FOXP1: variants seen among roughly 807,000 people sequenced by gnomAD.
The protein encoded by FOXP1 is forkhead box protein P1.
Under a neutral mutation model 98.2 loss-of-function variants are expected in FOXP1, and 15 were observed. That is an observed-to-expected ratio of 0.15 (90% confidence interval 0.10 to 0.24). FOXP1 has a LOEUF of 0.24. FOXP1 is among the 10% of genes least tolerant of loss of function. The pLI is 1.00. For missense variants in FOXP1, 633 were observed against 848.5 expected, an observed-to-expected ratio of 0.75 and a Z score of 3.15; for synonymous variants, 371 against 314.5, an observed-to-expected ratio of 1.18 and a Z score of -1.90.
chr3:71,303,779 AAAG>A lies in FOXP1; in HGVS notation c.-72-3902_-72-3900del, dbSNP rs200192203. ...GGGGAAGGTGGGGAATGAAGAAAGA[AAAG>A]AAGAAAATAAAAACGGAAAAAGGGG... On this transcript the variant is annotated intron_variant, in intron 4 of 20. Coordinates refer to ENST00000649528, the MANE Select transcript of FOXP1 (RefSeq NM_001349338.3). 7.9e-3 allele frequency among the ~76,000 whole-genome samples: 1,209 copies of A among 152,188 alleles called. 27 individuals carry two copies. Among genetic ancestry groups the A allele is most frequent in the Non-Finnish European group, 4.7e-3 (323 of 68,008 alleles).
intron 17 of FOXP1, among the ~76,000 whole-genome samples, chr3:70,974,076 AT>A (rs1357894463): frequency 6.6e-6 from 1 of 152,104 alleles, no homozygotes; most frequent in African/African-American, 2.4e-5. Flanking sequence ...TGAAAGGAGA[AT>A]TCACAGGATA....
intron 3 of FOXP1, among the ~76,000 whole-genome samples, chr3:71,472,672 T>A (rs987144211): frequency 6.6e-6 from 1 of 152,146 alleles, no homozygotes; most frequent in African/African-American, 2.4e-5. Flanking sequence ...CAAGCTCCCA[T>A]TTTACTCCTA....
chr3:71,473,854 C>G (rs1402378342), intron 3 of FOXP1, among the ~76,000 whole-genome samples: 1 of 152,146 alleles, frequency 6.6e-6, no homozygotes, highest in African/African-American at 2.4e-5. Flanking sequence ...AGAACTGTTA[C>G]ATCTCTAATA....
chr3:70,992,801 C>T (rs909949294), intron 13 of FOXP1, among the ~76,000 whole-genome samples: 7 of 152,132 alleles, frequency 4.6e-5, no homozygotes, highest in Non-Finnish European at 8.8e-5. Context: ...AAATAAGTGT[C>T]GTGGTTTTCA....
intron 5 of FOXP1, among the ~76,000 whole-genome samples, chr3:71,277,781 A>G (rs1397557038): frequency 4.1e-5 from 1 of 24,386 alleles, no homozygotes; most frequent in East Asian, 6.8e-4. Context: ...TCCCTAGTTA[A>G]AAAAAAAAAT....
chr3:71,498,135 G>A (rs773467342), intron 2 of FOXP1, among the ~76,000 whole-genome samples: 5 of 152,196 alleles, frequency 3.3e-5, no homozygotes, highest in Admixed American at 1.3e-4. Flanking sequence ...AGAGAGAAGC[G>A]TGGAATGCCA....
rs563323282 is a variant in FOXP1 at position 71,070,083 on chromosome 3, A to C, written c.283-16310T>G. On this transcript the variant is annotated intron_variant, in intron 7 of 20. Transcript: ENST00000649528. ...CTGCCAGGATTAGGAAATTTTGACT[A>C]CTTCAACTTATTCAAAAGACAACTT... is the stretch of plus-strand genomic sequence containing the variant. Among the ~76,000 whole-genome samples, 4 of 152,340 alleles carry C rather than the reference A, an allele frequency of 2.6e-5. No individual in the cohort carries two copies. In the East Asian group the frequency reaches 7.7e-4, roughly 29 times the overall value.
rs547456391 is a variant in FOXP1, at chr3:71,009,489, T to G, written c.974+6060A>C. ...ACCCCTTTATGGAAAAAATTTGCCA[T>G]GCCCTCCCCTCTGTGTGGGACTTTT... On this transcript the variant is annotated intron_variant, in intron 12 of 20. Coordinates refer to ENST00000649528, the MANE Select transcript of FOXP1 (RefSeq NM_001349338.3). Among the ~76,000 whole-genome samples the G allele has an allele frequency of 5.3e-5, 8 of 152,224 alleles. No homozygotes were observed. In the South Asian group the frequency reaches 1.5e-3, roughly 28 times the overall value.
chr3:71,002,790 G>C (rs554720911), intron 12 of FOXP1, among the ~76,000 whole-genome samples: 2 of 152,154 alleles, frequency 1.3e-5, no homozygotes, highest in Non-Finnish European at 2.9e-5. Flanking sequence ...GATCCCAAGA[G>C]ACTTGCCTCA....
chr3:71,071,319 T>A (rs1342474289), intron 7 of FOXP1, among the ~76,000 whole-genome samples: 1 of 152,194 alleles, frequency 6.6e-6, no homozygotes, highest in African/African-American at 2.4e-5. Flanking sequence ...TGACGGTTCA[T>A]GTAGTTTCCA....
chr3:71,559,367 T>C (rs1164258985), intron 2 of FOXP1, among the ~76,000 whole-genome samples: 2 of 152,258 alleles, frequency 1.3e-5, no homozygotes, highest in African/African-American at 4.8e-5. Context: ...CATAGTTTCT[T>C]ATTCTTCTAT....
At chr3:71,371,770 C>T (rs950445566) in intron 3 of FOXP1, among the ~76,000 whole-genome samples, 3 of 152,136 alleles carry the variant, frequency 2.0e-5, no homozygotes, top group African/African-American at 7.2e-5. Flanking sequence ...GCCTAGATGG[C>T]AGAGAACAAA....
rs1391195041 is a variant in FOXP1 at position 71,158,083 on chromosome 3, A to AAG, written c.180+40118_180+40119insCT. Among the ~76,000 whole-genome samples the AAG allele has an allele frequency of 9.2e-3, 389 of 42,058 alleles. 51 individuals carry two copies. The highest frequency in any genetic ancestry group is 0.029 in the African/African-American group (266 of 9,092). The allele number at this position is 42,058 out of a possible 152,430, so 27.6% of individuals were successfully genotyped here. A position where few individuals can be genotyped will look rare whatever the true frequency, so the allele number is the denominator to read the frequency against. On this transcript the variant is annotated intron_variant, in intron 6 of 20. Coordinates refer to ENST00000649528, the MANE Select transcript of FOXP1 (RefSeq NM_001349338.3). ...AGCCTGGGTGGGAGGGTAAGACGAA[A>AAG]GAAGGAAGGAAGGAAGGAAGGAAGG...
chr3:71,031,341 AG>A (rs2046840545), intron 11 of FOXP1, among the ~76,000 whole-genome samples: 1 of 152,234 alleles, frequency 6.6e-6, no homozygotes, highest in Admixed American at 6.5e-5. Flanking sequence ...CTATTTGTTT[AG>A]GGAAGTCTTA....
At chr3:71,446,210 T>C (rs1422653118) in intron 3 of FOXP1, among the ~76,000 whole-genome samples, 1 of 152,158 alleles carries the variant, frequency 6.6e-6, no homozygotes, top group East Asian at 1.9e-4. Context: ...CTGGCTTCCA[T>C]AAAAGCTGCT....
chr3:71,384,668 A>G (rs2080433937), intron 3 of FOXP1, among the ~76,000 whole-genome samples: 1 of 152,236 alleles, frequency 6.6e-6, no homozygotes, highest in Admixed American at 6.5e-5. Flanking sequence ...CTTATCACAT[A>G]TATTTTCCTA....
intron 5 of FOXP1, among the ~76,000 whole-genome samples, chr3:71,239,478 A>G (rs1192910358): frequency 6.6e-6 from 1 of 152,188 alleles, no homozygotes; most frequent in Non-Finnish European, 1.5e-5. Flanking sequence ...TGGGAGGCAG[A>G]GGTTGCAGTG....
chr3:71,046,010 T>C (rs965136972), intron 10 of FOXP1, among the ~76,000 whole-genome samples: 56 of 152,160 alleles, frequency 3.7e-4, no homozygotes, highest in African/African-American at 1.3e-3. Flanking sequence ...CTACCATGCA[T>C]AGATGGAGGA....
chr3:71,008,740 T>C (rs2043125547), intron 12 of FOXP1, among the ~76,000 whole-genome samples: 1 of 152,094 alleles, frequency 6.6e-6, no homozygotes, highest in Non-Finnish European at 1.5e-5. Flanking sequence ...TATTTATCTT[T>C]GAAATCAAGG....
Sources: gnomAD v4.1 joint callset for allele counts (sites outside exome capture counted in the v4.1 genomes callset) on GRCh38, gnomAD v4.1.1 for gene constraint, MANE v1.5 for transcripts, NCBI Gene and HGNC (gene_info 2026-07-23, HGNC 2026-07-21) for gene names.